The following SPRR2G variants were observed in gnomAD, a reference collection of about 807,000 sequenced individuals.
SPRR2G encodes small proline rich protein 2G.
A neutral mutation model predicts 0.7 loss-of-function variants in SPRR2G; 1 was observed. The ratio of observed to expected loss-of-function variants is 1.49; its 90% CI spans 0.53 to 7.06. The LOEUF (loss-of-function observed/expected upper bound fraction) is 7.06. SPRR2G is among the 30% of genes most tolerant of loss of function. The pLI is 0.14. For missense variants in SPRR2G, 96 were observed against 88.5 expected (o/e 1.09, Z -0.34); for synonymous variants, 38 against 33.9 (o/e 1.12, Z -0.42).
the SPRR2G span, among the ~76,000 whole-genome samples, chr1:153,186,792 G>C: frequency 6.6e-6 from 1 of 152,158 alleles, no homozygotes; most frequent in South Asian, 2.1e-4. Context: ...TCTTCATAGT[G>C]TCGTTGGTCT....
chr1:153,199,020 G>A, the SPRR2G span, among the ~76,000 whole-genome samples: 1 of 152,192 alleles, frequency 6.6e-6, no homozygotes, highest in African/African-American at 2.4e-5. Context: ...GGACACAACT[G>A]TAACAATTAC....
the SPRR2G span, among the ~76,000 whole-genome samples, chr1:153,180,932 T>C: frequency 1.3e-5 from 2 of 152,336 alleles, no homozygotes; most frequent in African/African-American, 4.8e-5. Context: ...AATTGCCTGT[T>C]CAGGTTGTTC....
the SPRR2G span, among the ~76,000 whole-genome samples, chr1:153,156,161 C>T: frequency 5.9e-5 from 9 of 152,268 alleles, no homozygotes; most frequent in African/African-American, 1.9e-4. Flanking sequence ...CTTGTGAGTT[C>T]TGAGGGAAAG....
At chr1:153,200,494 CTA>C in the SPRR2G span, among the ~76,000 whole-genome samples, 1 of 152,176 alleles carries the variant, frequency 6.6e-6, no homozygotes, top group Admixed American at 6.5e-5. Context: ...CTTTACAATT[CTA>C]TGAGTCTAGT....
the SPRR2G span, among the ~76,000 whole-genome samples, chr1:153,178,302 C>T: frequency 6.6e-6 from 1 of 152,262 alleles, no homozygotes; most frequent in Admixed American, 6.5e-5. Flanking sequence ...TCTTTCCAAT[C>T]CATGCTTGTA....
chr1:153,199,238 C>T, the SPRR2G span, among the ~76,000 whole-genome samples: 6 of 152,246 alleles, frequency 3.9e-5, no homozygotes, highest in Middle Eastern at 6.8e-3. Flanking sequence ...AACTGGCTGT[C>T]CAGGTGGTCT....
At chr1:153,183,129 C>T in the SPRR2G span, among the ~76,000 whole-genome samples, 1 of 148,698 alleles carries the variant, frequency 6.7e-6, no homozygotes, top group Non-Finnish European at 1.5e-5. Flanking sequence ...AGTGCAATGG[C>T]ATGATCTCGG....
At chr1:153,168,932 A>G in the SPRR2G span, among the ~76,000 whole-genome samples, 6 of 86,142 alleles carry the variant, frequency 7.0e-5, no homozygotes, top group East Asian at 5.3e-4. Context: ...GTGTGTGTGT[A>G]AGATGTAAAA....
the SPRR2G span, among the ~76,000 whole-genome samples, chr1:153,156,359 A>G: frequency 3.3e-5 from 5 of 152,338 alleles, no homozygotes; most frequent in Admixed American, 2.0e-4. Context: ...TGGGGCTCCT[A>G]TATTTGGATA....
At chr1:153,188,575 G>A in the SPRR2G span, among the ~76,000 whole-genome samples, 202 of 152,262 alleles carry the variant, frequency 1.3e-3, 2 homozygotes, top group African/African-American at 4.5e-3. Context: ...AGCTGTGCTG[G>A]CAGCAAGAAT....
At chr1:153,165,473 A>G in the SPRR2G span, among the ~76,000 whole-genome samples, 1 of 152,064 alleles carries the variant, frequency 6.6e-6, no homozygotes, top group South Asian at 2.1e-4. Context: ...TTCTGACTTC[A>G]TTTTCCTAAT....
chr1:153,183,825 T>A, the SPRR2G span, among the ~76,000 whole-genome samples: 1 of 152,148 alleles, frequency 6.6e-6, no homozygotes, highest in East Asian at 1.9e-4. Context: ...ATTGCCTAGG[T>A]TTTCTTCTAG....
chr1:153,187,881 G>T, the SPRR2G span, among the ~76,000 whole-genome samples: 696 of 152,222 alleles, frequency 4.6e-3, 4 homozygotes, highest in African/African-American at 0.016. Context: ...TTTGGATGGG[G>T]TTTTTGAGTG....
the SPRR2G span, among the ~76,000 whole-genome samples, chr1:153,187,949 ACAGT>A: frequency 6.6e-6 from 1 of 152,014 alleles, no homozygotes; most frequent in East Asian, 1.9e-4. Flanking sequence ...TTTCCTTCCA[ACAGT>A]CAGGCCCCTC....
At chr1:153,166,838 C>T in the SPRR2G span, among the ~76,000 whole-genome samples, 1 of 152,020 alleles carries the variant, frequency 6.6e-6, no homozygotes, top group Non-Finnish European at 1.5e-5. Context: ...TCTTGATGTG[C>T]TTGGCACTTT....
the SPRR2G span, among the ~76,000 whole-genome samples, chr1:153,176,987 C>G: frequency 2.0e-5 from 3 of 152,132 alleles, no homozygotes; most frequent in African/African-American, 7.2e-5. Context: ...GTTAGTTAAT[C>G]CCCTCCCAAA....
At chr1:153,178,598 G>T in the SPRR2G span, among the ~76,000 whole-genome samples, 1 of 151,864 alleles carries the variant, frequency 6.6e-6, no homozygotes, top group Non-Finnish European at 1.5e-5. Flanking sequence ...CAGTTAATTT[G>T]GTGAATTACA....
At chr1:153,199,310 G>C in the SPRR2G span, among the ~76,000 whole-genome samples, 1,994 of 152,286 alleles carry the variant, frequency 0.013, 52 homozygotes, top group African/African-American at 0.046. Flanking sequence ...AGGAGAGCTT[G>C]CCAATGCCTA....
At chr1:153,169,925 A>T in the SPRR2G span, among the ~76,000 whole-genome samples, 1 of 152,222 alleles carries the variant, frequency 6.6e-6, no homozygotes, top group Admixed American at 6.5e-5. Context: ...TGCCTTGCAG[A>T]CTGAACCGCT....
Sources: allele counts gnomAD v4.1 joint callset (sites outside exome capture counted in the v4.1 genomes callset), GRCh38; gene constraint gnomAD v4.1.1; transcripts MANE v1.5; gene names NCBI Gene and HGNC (gene_info 2026-07-23, HGNC 2026-07-21).